Variants in ATG14 observed in about 807,000 individuals in gnomAD.
The protein encoded by ATG14 is autophagy related 14.
A neutral mutation model predicts 60.4 loss-of-function variants in ATG14; 35 were observed. That is an observed-to-expected ratio of 0.58 (90% CI 0.44 to 0.77). The LOEUF is 0.77. ATG14 is among the 30% of genes least tolerant of loss of function. The pLI is 0.00. For synonymous variants in ATG14, 234 were observed against 228.8 expected (o/e 1.02, Z -0.21); for missense variants, 647 against 626.3 (o/e 1.03, Z -0.35).
Position 55,375,684 on chromosome 14 carries a change from T to A in ATG14, c.1172+2135A>T, listed in dbSNP as rs148219450. On this transcript the variant is annotated intron_variant, in intron 9 of 9. Coordinates refer to ENST00000247178, the MANE Select transcript of ATG14 (RefSeq NM_014924.5). ...AACAGTTTCTTAGTTCTCTTGGATA[T>A]CCAGTTCAATAATTATACCATCTAC... 4.7e-3 allele frequency among the ~76,000 whole-genome samples: 720 copies of A among 152,106 alleles called. 5 individuals are homozygous for A. The highest frequency in any genetic ancestry group is 0.016 in the African/African-American group (680 of 41,478).
intron 9 of ATG14, 79 bp downstream of exon 9, chr14:55,377,739 CG>C: frequency 1.9e-6 from 2 of 1,049,106 alleles, no homozygotes; most frequent in South Asian, 3.5e-5. Context: ...TTAGGGAACA[CG>C]ACTCTACTAT....
intron 6 of ATG14, among the ~76,000 whole-genome samples, 185 bp from the exon 7 acceptor site, chr14:55,380,875 A>ATATATATTTTT (rs377330757): frequency 2.7e-5 from 3 of 112,732 alleles, no homozygotes; most frequent in African/African-American, 1.1e-4. Context: ...ATATATATAT[A>ATATATATTTTT]TTTTTTTTTT....
At chr14:55,381,176 G>A (rs977942613) in intron 6 of ATG14, among the ~76,000 whole-genome samples, 7 of 151,962 alleles carry the variant, frequency 4.6e-5, no homozygotes, top group African/African-American at 1.7e-4. Context: ...CCTGAGAAGG[G>A]CAAAGGGCCA....
intron 9 of ATG14, among the ~76,000 whole-genome samples, chr14:55,373,397 G>A (rs1271248493): frequency 6.6e-6 from 1 of 152,132 alleles, no homozygotes; most frequent in Admixed American, 6.6e-5. Flanking sequence ...CAAAGGATAA[G>A]CAATGGGCAA....
chr14:55,377,917 A>AG lies in ATG14; in HGVS notation c.1087-14_1087-13insC. The stretch of plus-strand genomic sequence containing the variant: ...CTAAATTTACATGCTAAAAAAAATT[A>AG]AAGAATTGGTTAATATTTTCAACTA... On this transcript the variant is annotated splice_polypyrimidine_tract_variant and intron_variant, in intron 8 of 9. Coordinates refer to ENST00000247178, the MANE Select transcript of ATG14 (RefSeq NM_014924.5). 1 of 1,596,904 alleles carries AG rather than the reference A, an allele frequency of 6.3e-7. No homozygotes were observed. The highest frequency in any genetic ancestry group is 8.5e-7 in the Non-Finnish European group (1 of 1,173,140).
intron 1 of ATG14, among the ~76,000 whole-genome samples, chr14:55,405,952 G>A (rs1335073065): frequency 3.9e-5 from 6 of 152,020 alleles, no homozygotes; most frequent in Admixed American, 3.9e-4. Flanking sequence ...AGGACTGGGG[G>A]CAAGGTGGGG....
At chr14:55,379,024 T>G (rs906555292) in intron 7 of ATG14, among the ~76,000 whole-genome samples, 5 of 152,064 alleles carry the variant, frequency 3.3e-5, no homozygotes, top group African/African-American at 1.2e-4. Flanking sequence ...CTCATCCTGT[T>G]TTAACGTTCT....
rs528816678 is a variant in ATG14 at position 55,410,289 on chromosome 14, G to A, written c.221+1313C>T. Among the ~76,000 whole-genome samples the A allele has an allele frequency of 9.2e-5, 14 of 152,328 alleles. No individual in the cohort carries two copies. The South Asian group carries it at 1.7e-3, about 18-fold the overall frequency. ...CTAGGTTGGAGATACAAGTCTGGCA[G>A]TCTTAAGCATATAGATGGTATTTAA... On this transcript the variant is annotated intron_variant, in intron 1 of 9. Transcript: ENST00000247178.
At chr14:55,374,689 T>G (rs1205089643) in intron 9 of ATG14, among the ~76,000 whole-genome samples, 1 of 152,178 alleles carries the variant, frequency 6.6e-6, no homozygotes, top group African/African-American at 2.4e-5. Context: ...ATCATCTGGA[T>G]TTTATTTTTG....
intron 4 of ATG14, among the ~76,000 whole-genome samples, chr14:55,389,933 G>A (rs1885186218): frequency 6.6e-6 from 1 of 152,042 alleles, no homozygotes; most frequent in Admixed American, 6.5e-5. Flanking sequence ...GATTAATACA[G>A]ATTACAATGT....
intron 1 of ATG14, among the ~76,000 whole-genome samples, chr14:55,405,036 C>G (rs1396119809): frequency 6.6e-6 from 1 of 152,152 alleles, no homozygotes; most frequent in Non-Finnish European, 1.5e-5. Context: ...ATTTTCTTAG[C>G]AGATCCACAT....
intron 1 of ATG14, among the ~76,000 whole-genome samples, chr14:55,407,842 G>A (rs1174062113): frequency 6.6e-6 from 1 of 152,148 alleles, no homozygotes; most frequent in Non-Finnish European, 1.5e-5. Context: ...GTCAGGAAAG[G>A]CCTCACCGAA....
rs114189989 is a variant in ATG14, at chr14:55,409,889, A to G, written c.221+1713T>C. ...TGTACAAAAGGGGAGCAAGGACGGA[A>G]GCAGAGACATAAGAGGAAATAAGTT... On this transcript the variant is annotated intron_variant, in intron 1 of 9. Transcript: ENST00000247178. Among the ~76,000 whole-genome samples, 757 of 152,374 alleles carry G rather than the reference A, an allele frequency of 5.0e-3. 7 individuals carry two copies. The highest frequency in any genetic ancestry group is 0.017 in the African/African-American group (721 of 41,580).
At position 55,377,916 on chromosome 14, in the gene ATG14, T is replaced by C. The variant is rs370639512; in HGVS notation, c.1087-12A>G. Reference sequence around the variant, plus strand: ...TCTAAATTTACATGCTAAAAAAAATTAAAGAATTGGTTAATATTTTCAACT... The same window carrying C: ...TCTAAATTTACATGCTAAAAAAAATCAAAGAATTGGTTAATATTTTCAACT... On this transcript the variant is annotated splice_polypyrimidine_tract_variant and intron_variant, in intron 8 of 9. Coordinates refer to ENST00000247178, the MANE Select transcript of ATG14 (RefSeq NM_014924.5). 1 of 1,597,178 alleles carries C rather than the reference T, an allele frequency of 6.3e-7. No homozygotes were observed. Among genetic ancestry groups the C allele is most frequent in the African/African-American group, 1.4e-5 (1 of 73,834 alleles).
chr14:55,379,033 C>T (rs984197475), intron 7 of ATG14, among the ~76,000 whole-genome samples: 1 of 152,042 alleles, frequency 6.6e-6, no homozygotes, highest in Non-Finnish European at 1.5e-5. Context: ...TTTTAACGTT[C>T]TCCACAGCAC....
chr14:55,398,061 C>T (rs1361810751), intron 1 of ATG14, among the ~76,000 whole-genome samples: 1 of 151,606 alleles, frequency 6.6e-6, no homozygotes, highest in African/African-American at 2.4e-5. Context: ...CATTCTCCCG[C>T]CTCAGCCTCC....
At chr14:55,393,570 G>C (rs532314958) in intron 3 of ATG14, among the ~76,000 whole-genome samples, 1 of 148,608 alleles carries the variant, frequency 6.7e-6, no homozygotes, top group South Asian at 2.1e-4. Context: ...TTTTGAGTCA[G>C]GGTCTCACTC....
chr14:55,380,871 ATATAT>A (rs1348221226), intron 6 of ATG14, among the ~76,000 whole-genome samples, 181 bp from the exon 7 acceptor site: 3 of 90,032 alleles, frequency 3.3e-5, no homozygotes, highest in African/African-American at 7.0e-5. Flanking sequence ...ATATATATAT[ATATAT>A]TTTTTTTTTT....
chr14:55,379,794 AT>A (rs1189733056), intron 7 of ATG14, among the ~76,000 whole-genome samples: 1 of 152,162 alleles, frequency 6.6e-6, no homozygotes, highest in African/African-American at 2.4e-5. Flanking sequence ...TGATCTCAGC[AT>A]CACTGCAACC....
Sources: gnomAD v4.1 joint callset for allele counts (sites outside exome capture counted in the v4.1 genomes callset) on GRCh38, gnomAD v4.1.1 for gene constraint, MANE v1.5 for transcripts, NCBI Gene and HGNC (gene_info 2026-07-23, HGNC 2026-07-21) for gene names.